Variants in ST8SIA1 observed in about 807,000 individuals in gnomAD.
ST8SIA1 encodes the protein ST8 alpha-N-acetyl-neuraminide alpha-2,8-sialyltransferase 1.
ST8SIA1 carries 16 observed loss-of-function variants against 35.9 expected under a neutral mutation model. That is an observed-to-expected ratio of 0.45 (90% confidence interval 0.30 to 0.68). The LOEUF (loss-of-function observed/expected upper bound fraction) is 0.68, where lower values mean the gene tolerates loss of function less well. Ranked by LOEUF, ST8SIA1 falls within the 30% of genes least tolerant of loss-of-function variation. The pLI, the probability that ST8SIA1 is intolerant of heterozygous loss-of-function variation, is 0.09. For missense variants in ST8SIA1, 383 were observed against 453.6 expected, an observed-to-expected ratio of 0.84 and a Z score of 1.41; for synonymous variants, 170 against 169.6, an observed-to-expected ratio of 1.00 and a Z score of -0.02.
intron 4 of ST8SIA1, among the ~76,000 whole-genome samples, chr12:22,248,220 A>G (rs1032663402): frequency 6.6e-6 from 1 of 152,184 alleles, no homozygotes; most frequent in Non-Finnish European, 1.5e-5. Context: ...GACTTAGATG[A>G]CAAGCGCCTG....
At position 22,205,956 on chromosome 12, in the gene ST8SIA1, T is replaced by A. The variant is rs183336603; in HGVS notation, c.585-3918A>T. 2.8e-3 allele frequency among the ~76,000 whole-genome samples: 427 copies of A among 152,288 alleles called. 2 individuals carry two copies. The highest frequency in any genetic ancestry group is 9.9e-3 in the African/African-American group (413 of 41,562). On this transcript the variant is annotated intron_variant, in intron 4 of 4. Coordinates refer to ENST00000396037, the MANE Select transcript of ST8SIA1 (RefSeq NM_003034.4). The stretch of plus-strand genomic sequence containing the variant: ...CAAATATAACAAACATAAATTGGTA[T>A]CGATAAATTGTAGAGTCTGAATATA...
At chr12:22,214,779 A>G (rs1450431125) in intron 4 of ST8SIA1, among the ~76,000 whole-genome samples, 1 of 152,258 alleles carries the variant, frequency 6.6e-6, no homozygotes, top group African/African-American at 2.4e-5. Context: ...AACAAATTCC[A>G]TCACAAGATT....
chr12:22,221,099 C>G (rs1184184204), intron 4 of ST8SIA1, among the ~76,000 whole-genome samples: 1 of 152,164 alleles, frequency 6.6e-6, no homozygotes, highest in African/African-American at 2.4e-5. Flanking sequence ...TCTCTCCTAG[C>G]ACCAAGATGG....
intron 4 of ST8SIA1, among the ~76,000 whole-genome samples, chr12:22,215,656 C>T (rs976709): frequency 0.17 from 26,344 of 152,148 alleles, 2,456 homozygotes; most frequent in Middle Eastern, 0.29. Flanking sequence ...TTGTGACAAC[C>T]ACATTCCTTG....
intron 2 of ST8SIA1, among the ~76,000 whole-genome samples, chr12:22,257,524 C>T (rs1865742146): frequency 6.6e-6 from 1 of 151,542 alleles, no homozygotes; most frequent in South Asian, 2.1e-4. Context: ...GCACCTGGCC[C>T]CAGGAACTGC....
At chr12:22,270,790 A>G (rs1275362636) in intron 2 of ST8SIA1, among the ~76,000 whole-genome samples, 1 of 152,222 alleles carries the variant, frequency 6.6e-6, no homozygotes, top group East Asian at 1.9e-4. Context: ...TTATACTTGT[A>G]CCCCATAAAT....
intron 1 of ST8SIA1, among the ~76,000 whole-genome samples, chr12:22,295,724 C>G (rs143977779): frequency 4.6e-5 from 7 of 152,104 alleles, no homozygotes; most frequent in African/African-American, 1.7e-4. Context: ...AAAGTGAGAC[C>G]CTGTTTCAGA....
At position 22,194,352 on chromosome 12, in the gene ST8SIA1, G is replaced by A. The variant is rs141123181; in HGVS notation, c.*7200C>T. On this transcript the variant is annotated 3_prime_UTR_variant, in exon 5 of 5. Coordinates refer to ENST00000396037, the MANE Select transcript of ST8SIA1 (RefSeq NM_003034.4). ...AGAAGGTTCTATGACTTCAATGAAG[G>A]ATATTTACATACTATTATCAGACTT... 3.7e-4 allele frequency: 57 copies of A among 152,236 alleles called. No individual in the cohort carries two copies. The highest frequency in any genetic ancestry group is 1.3e-3 in the African/African-American group (52 of 41,542). The allele number at this position is 152,236 out of a possible 1,614,324, so 9.4% of individuals were successfully genotyped here.
At chr12:22,248,366 C>T (rs940120657) in intron 4 of ST8SIA1, among the ~76,000 whole-genome samples, 2 of 152,102 alleles carry the variant, frequency 1.3e-5, no homozygotes, top group Non-Finnish European at 2.9e-5. Context: ...GCTGATAGCT[C>T]GCTGATGCAC....
intron 1 of ST8SIA1, among the ~76,000 whole-genome samples, chr12:22,293,620 T>C (rs73087053): frequency 0.068 from 10,292 of 152,260 alleles, 588 homozygotes; most frequent in South Asian, 0.17. Context: ...GGTTTTGAAA[T>C]TGAGGTAAAA....
At chr12:22,314,416 C>T (rs1477568383) in intron 1 of ST8SIA1, among the ~76,000 whole-genome samples, 25 of 152,100 alleles carry the variant, frequency 1.6e-4, no homozygotes. Context: ...AGAGCATCTA[C>T]TGGGAGGATC....
intron 2 of ST8SIA1, among the ~76,000 whole-genome samples, chr12:22,271,965 A>C (rs1482791014): frequency 6.6e-6 from 1 of 152,194 alleles, no homozygotes; most frequent in Admixed American, 6.6e-5. Flanking sequence ...ATTTTTATTC[A>C]TATGATAACA....
intron 3 of ST8SIA1, among the ~76,000 whole-genome samples, chr12:22,251,747 A>G (rs1865672659): frequency 6.6e-6 from 1 of 152,228 alleles, no homozygotes; most frequent in Admixed American, 6.5e-5. Context: ...TGTCTTAGCA[A>G]CTGTGCTCAT....
At chr12:22,252,090 A>G (rs1409517702) in intron 3 of ST8SIA1, among the ~76,000 whole-genome samples, 1 of 152,224 alleles carries the variant, frequency 6.6e-6, no homozygotes, top group African/African-American at 2.4e-5. Context: ...CTACAGAGCA[A>G]ATGTTTACTT....
At chr12:22,220,633 A>G (rs983683872) in intron 4 of ST8SIA1, among the ~76,000 whole-genome samples, 1 of 152,216 alleles carries the variant, frequency 6.6e-6, no homozygotes, top group African/African-American at 2.4e-5. Context: ...AAATTTGCCA[A>G]TTAAAAGCAA....
chr12:22,325,459 G>A, intron 1 of ST8SIA1: 1 of 702,066 alleles, frequency 1.4e-6, no homozygotes, highest in East Asian at 2.7e-5. Flanking sequence ...CAATGCCACA[G>A]CTAGAAGACA....
chr12:22,232,826 TC>T (rs1865434983), intron 4 of ST8SIA1, among the ~76,000 whole-genome samples: 1 of 151,692 alleles, frequency 6.6e-6, no homozygotes. Context: ...TGACAGAGAC[TC>T]TGCCTCAAAA....
rs376054920 is a variant in ST8SIA1 at position 22,316,098 on chromosome 12, C to T, written c.236+17899G>A. Among the ~76,000 whole-genome samples, 12 of 152,126 alleles carry T rather than the reference C, an allele frequency of 7.9e-5. 1 individual carries two copies. The highest frequency in any genetic ancestry group is 2.9e-4 in the African/African-American group (12 of 41,468). ...GTAAATATTCTTAAACAAGAAGTTTCAGTTCTTAATAATAACATATAAATG... is the reference window on the plus strand; with the variant it reads ...GTAAATATTCTTAAACAAGAAGTTTTAGTTCTTAATAATAACATATAAATG... On this transcript the variant is annotated intron_variant, in intron 1 of 4. Transcript: ENST00000396037.
chr12:22,276,836 AC>A (rs1865974251), intron 2 of ST8SIA1, among the ~76,000 whole-genome samples: 2 of 151,306 alleles, frequency 1.3e-5, no homozygotes, highest in Admixed American at 1.3e-4. Flanking sequence ...TGAACACATG[AC>A]AAAATAAAAT....
Sources: gnomAD v4.1 joint callset for allele counts (sites outside exome capture counted in the v4.1 genomes callset) on GRCh38, gnomAD v4.1.1 for gene constraint, MANE v1.5 for transcripts, NCBI Gene and HGNC (gene_info 2026-07-23, HGNC 2026-07-21) for gene names.